The following SORCS3 variants were observed in gnomAD, a reference collection of about 807,000 sequenced individuals.
SORCS3 encodes the protein VPS10 domain-containing receptor SorCS3.
A neutral mutation model predicts 146.3 loss-of-function variants in SORCS3; 57 were observed. The observed-to-expected ratio is 0.39, with a 90% CI of 0.31 to 0.49. SORCS3 has a LOEUF of 0.49. Among genes scored for constraint, SORCS3 ranks in the 20% least tolerant of loss-of-function variants. SORCS3 has a pLI of 0.92. For missense variants in SORCS3, 1,341 were observed against 1,575.5 expected (o/e 0.85, Z 2.52); for synonymous variants, 653 against 618.5 (o/e 1.06, Z -0.83).
At position 104,915,820 on chromosome 10, in the gene SORCS3, C is replaced by G; in HGVS notation, c.696-13C>G. The stretch of plus-strand genomic sequence containing the variant: ...AATGATCTCTCCCTCTCTGTTTTCT[C>G]TTTTACCTGCAGGTCGACAGATTAT... On this transcript the variant is annotated splice_polypyrimidine_tract_variant and intron_variant, in intron 2 of 26. Coordinates refer to ENST00000369701, the MANE Select transcript of SORCS3 (RefSeq NM_014978.3). 1 of 1,612,716 alleles carries G rather than the reference C, an allele frequency of 6.2e-7. No individual in the cohort carries two copies. The highest frequency in any genetic ancestry group is 1.7e-5 in the Admixed American group (1 of 60,008).
chr10:105,220,038 T>G (rs879445471), intron 19 of SORCS3, among the ~76,000 whole-genome samples: 14 of 152,216 alleles, frequency 9.2e-5, no homozygotes, highest in Non-Finnish European at 1.9e-4. Flanking sequence ...ACAAAAGTAG[T>G]TGTTAGCTGC....
At chr10:105,154,416 A>G (rs1370450651) in intron 9 of SORCS3, among the ~76,000 whole-genome samples, 3 of 152,198 alleles carry the variant, frequency 2.0e-5, no homozygotes, top group African/African-American at 7.2e-5. Flanking sequence ...TGGACTCAGC[A>G]TTCCGCCAAG....
intron 2 of SORCS3, among the ~76,000 whole-genome samples, chr10:104,908,761 A>G (rs1428584806): frequency 1.3e-5 from 2 of 152,230 alleles, no homozygotes; most frequent in Non-Finnish European, 2.9e-5. Context: ...AATTGGTGTA[A>G]ATGCAGAGGA....
intron 19 of SORCS3, 91 bp from the exon 20 acceptor site, chr10:105,223,025 G>T: frequency 1.5e-6 from 2 of 1,343,080 alleles, no homozygotes; most frequent in Non-Finnish European, 1.0e-6. Context: ...CAGGAGATGC[G>T]AATAGAATTT....
At chr10:105,132,771 A>G (rs1377004) in intron 7 of SORCS3, among the ~76,000 whole-genome samples, 77,357 of 151,974 alleles carry the variant, frequency 0.51, 19,974 homozygotes, top group Admixed American at 0.55. Context: ...AGATTAACGA[A>G]CCAGTCATTA....
intron 1 of SORCS3, among the ~76,000 whole-genome samples, chr10:104,812,275 C>T (rs1007356986): frequency 2.0e-5 from 3 of 152,104 alleles, no homozygotes; most frequent in African/African-American, 4.8e-5. Flanking sequence ...CCAGCAGTTG[C>T]GTATCTAAAA....
At chr10:104,678,101 G>T (rs557844351) in intron 1 of SORCS3, among the ~76,000 whole-genome samples, 1 of 151,852 alleles carries the variant, frequency 6.6e-6, no homozygotes, top group Non-Finnish European at 1.5e-5. Flanking sequence ...AAACAATTGT[G>T]AGGTTGCCGA....
At chr10:105,054,465 T>C (rs2055433164) in intron 5 of SORCS3, among the ~76,000 whole-genome samples, 1 of 151,944 alleles carries the variant, frequency 6.6e-6, no homozygotes, top group South Asian at 2.1e-4. Context: ...AGAAATCTCA[T>C]ATTAATAGTT....
intron 2 of SORCS3, among the ~76,000 whole-genome samples, chr10:104,914,343 A>G (rs555321949): frequency 6.6e-6 from 1 of 152,214 alleles, no homozygotes; most frequent in East Asian, 1.9e-4. Flanking sequence ...GTGCCTAAGG[A>G]TGGGGAAATC....
At chr10:105,231,459 A>T (rs1289049532) in intron 20 of SORCS3, among the ~76,000 whole-genome samples, 2 of 152,200 alleles carry the variant, frequency 1.3e-5, no homozygotes, top group Non-Finnish European at 2.9e-5. Context: ...CAATCATATC[A>T]TCTATGAACA....
At chr10:105,014,789 A>G (rs1382969109) in intron 4 of SORCS3, among the ~76,000 whole-genome samples, 1 of 152,180 alleles carries the variant, frequency 6.6e-6, no homozygotes, top group Non-Finnish European at 1.5e-5. Flanking sequence ...ACACACCTAT[A>G]AGGGGCTGAA....
chr10:104,719,852 G>A (rs1433269751), intron 1 of SORCS3, among the ~76,000 whole-genome samples: 1 of 152,208 alleles, frequency 6.6e-6, no homozygotes, highest in South Asian at 2.1e-4. Flanking sequence ...GTGAATGTAT[G>A]TGTTGGGGTG....
chr10:104,673,323 CT>C (rs1361519150), intron 1 of SORCS3, among the ~76,000 whole-genome samples: 1 of 152,030 alleles, frequency 6.6e-6, no homozygotes, highest in Admixed American at 6.6e-5. Context: ...TGCCTTACAG[CT>C]TTTTTGCCCC....
intron 3 of SORCS3, among the ~76,000 whole-genome samples, chr10:104,975,042 G>T (rs1220751910): frequency 6.6e-6 from 1 of 152,070 alleles, no homozygotes; most frequent in African/African-American, 2.4e-5. Flanking sequence ...CTTCTGACTT[G>T]TAGAGTTTCT....
intron 5 of SORCS3, among the ~76,000 whole-genome samples, chr10:105,070,705 A>T (rs1180889717): frequency 6.6e-6 from 1 of 152,244 alleles, no homozygotes; most frequent in African/African-American, 2.4e-5. Context: ...CATGTTTGTT[A>T]AACAAGAACC....
intron 1 of SORCS3, among the ~76,000 whole-genome samples, chr10:104,766,659 T>A (rs1159954021): frequency 6.6e-6 from 1 of 152,196 alleles, no homozygotes; most frequent in African/African-American, 2.4e-5. Context: ...AGCATTCACA[T>A]TGACTTTCTG....
intron 4 of SORCS3, among the ~76,000 whole-genome samples, chr10:105,000,328 G>A (rs1451210930): frequency 3.4e-5 from 5 of 144,972 alleles, no homozygotes; most frequent in African/African-American, 1.1e-4. Context: ...GTGGGTATAC[G>A]TGTGTTCATG....
At chr10:104,853,988 G>C (rs1440743397) in intron 2 of SORCS3, among the ~76,000 whole-genome samples, 1 of 152,116 alleles carries the variant, frequency 6.6e-6, no homozygotes, top group Non-Finnish European at 1.5e-5. Context: ...TGCTGTCAGT[G>C]GGCAAAAGAG....
At chr10:105,054,446 A>T (rs1332897023) in intron 5 of SORCS3, among the ~76,000 whole-genome samples, 1 of 151,890 alleles carries the variant, frequency 6.6e-6, no homozygotes, top group African/African-American at 2.4e-5. Context: ...TTTTCCAACA[A>T]TATATTTTAG....
Sources: allele counts gnomAD v4.1 joint callset (sites outside exome capture counted in the v4.1 genomes callset), GRCh38; gene constraint gnomAD v4.1.1; transcripts MANE v1.5; gene names NCBI Gene and HGNC (gene_info 2026-07-23, HGNC 2026-07-21).